The following DSCAM variants were observed in gnomAD, a reference collection of about 807,000 sequenced individuals.
The protein encoded by DSCAM is cell adhesion molecule DSCAM.
Under a neutral mutation model 217.7 loss-of-function variants are expected in DSCAM, and 47 were observed. That is an observed-to-expected ratio of 0.22 (90% CI 0.17 to 0.28). The LOEUF is 0.28. Ranked by LOEUF, DSCAM falls within the 10% of genes least tolerant of loss-of-function variation. The pLI is 1.00. For missense variants in DSCAM, 2,080 were observed against 2,618.3 expected (o/e 0.79, Z 4.49); for synonymous variants, 1,056 against 1,015.3 (o/e 1.04, Z -0.76).
chr21:40,570,200 G>T, intron 3 of DSCAM, among the ~76,000 whole-genome samples: 1 of 152,222 alleles, frequency 6.6e-6, no homozygotes, highest in East Asian at 1.9e-4. Flanking sequence ...TTGGAAAGCT[G>T]GTTACTGGTC....
chr21:40,259,579 G>C (rs2146975537), intron 11 of DSCAM, among the ~76,000 whole-genome samples: 1 of 144,630 alleles, frequency 6.9e-6, no homozygotes, highest in East Asian at 2.1e-4. Flanking sequence ...CATTTCCTTA[G>C]AAAGAAGGCT....
chr21:40,518,092 T>C (rs758670501), intron 3 of DSCAM, among the ~76,000 whole-genome samples: 11 of 151,536 alleles, frequency 7.3e-5, no homozygotes, highest in African/African-American at 2.7e-4. Context: ...GGAGGGCACA[T>C]AGAACCTCCA....
In DSCAM at chr21:40,144,382, C is replaced by G; in HGVS notation, c.3259+109G>C. 6.6e-7 allele frequency: 1 copy of G among 1,512,186 alleles called. No homozygotes were observed. The highest frequency in any genetic ancestry group is 8.9e-7 in the Non-Finnish European group (1 of 1,118,762). 93.7% of individuals were successfully genotyped at this position (1,512,186 alleles called of 1,614,324 possible). A position where few individuals can be genotyped will look rare whatever the true frequency, so the allele number is the denominator to read the frequency against. On this transcript the variant is annotated intron_variant, in intron 17 of 32. Transcript: ENST00000400454. The surrounding 1 kb of genome is among the most constrained non-coding windows in gnomAD (Gnocchi z 4.8). ...ACCCGAGACCCCAGGCCCTGCAGGTCACTGCAAAGTCGTGGGGCGGGGGAG... is the reference window on the plus strand; with the variant it reads ...ACCCGAGACCCCAGGCCCTGCAGGTGACTGCAAAGTCGTGGGGCGGGGGAG...
intron 3 of DSCAM, among the ~76,000 whole-genome samples, chr21:40,544,804 C>T (rs1324084082): frequency 3.3e-5 from 5 of 151,788 alleles, no homozygotes; most frequent in East Asian, 1.9e-4. Context: ...TGAACCTTTC[C>T]AAATGAAAAT....
chr21:40,427,076 C>A (rs545071714), intron 3 of DSCAM, among the ~76,000 whole-genome samples: 124 of 152,324 alleles, frequency 8.1e-4, no homozygotes, highest in African/African-American at 2.7e-3. Flanking sequence ...CACCAAGCAA[C>A]CTTCTGGCCA....
chr21:40,715,940 T>C (rs930740710), intron 1 of DSCAM, among the ~76,000 whole-genome samples: 1 of 152,142 alleles, frequency 6.6e-6, no homozygotes, highest in Non-Finnish European at 1.5e-5. Flanking sequence ...AAAATGTAAA[T>C]GTATACAAGA....
intron 3 of DSCAM, among the ~76,000 whole-genome samples, chr21:40,669,364 C>A (rs1472122316): frequency 2.6e-5 from 4 of 152,046 alleles, no homozygotes; most frequent in Non-Finnish European, 5.9e-5. Context: ...TCCACGTGCC[C>A]AAAGAGTAAT....
intron 10 of DSCAM, 22 bp from the exon 11 acceptor site, chr21:40,276,292 G>C: frequency 1.3e-6 from 2 of 1,570,030 alleles, no homozygotes; most frequent in South Asian, 1.2e-5. Context: ...AAAGAAAGAC[G>C]AGCAATGATG....
chr21:40,329,335 G>A (rs2074350518), intron 8 of DSCAM, among the ~76,000 whole-genome samples: 1 of 152,226 alleles, frequency 6.6e-6, no homozygotes, highest in Non-Finnish European at 1.5e-5. Flanking sequence ...CCAAAAAAAG[G>A]GACAAGTTAA....
chr21:40,609,378 G>A (rs753124497), intron 3 of DSCAM, among the ~76,000 whole-genome samples: 4 of 152,196 alleles, frequency 2.6e-5, no homozygotes, highest in Admixed American at 1.3e-4. Context: ...CAAAATTGTT[G>A]CCATAAAATT....
intron 1 of DSCAM, among the ~76,000 whole-genome samples, chr21:40,731,847 G>A (rs969814625): frequency 2.7e-5 from 4 of 148,790 alleles, no homozygotes; most frequent in African/African-American, 1.0e-4. Context: ...TCCTGCCTCA[G>A]CCTCCTGAGC....
Position 40,173,371 on chromosome 21 carries a change from G to T in DSCAM, c.2947+5556C>A, listed in dbSNP as rs76746245. Reference sequence around the variant, plus strand: ...TTCAGAACATTCCAGAACTGTTCCAGAACCTTTCAGGATAGCAGACAGGGG... The same window carrying T: ...TTCAGAACATTCCAGAACTGTTCCATAACCTTTCAGGATAGCAGACAGGGG... On this transcript the variant is annotated intron_variant, in intron 15 of 32. Transcript: ENST00000400454. Among the ~76,000 whole-genome samples, 978 of 152,242 alleles carry T rather than the reference G, an allele frequency of 6.4e-3. 15 individuals carry two copies. Among genetic ancestry groups the T allele is most frequent in the African/African-American group, 0.023 (945 of 41,526 alleles).
chr21:40,065,376 G>T (rs2089192272), intron 27 of DSCAM, among the ~76,000 whole-genome samples: 1 of 152,078 alleles, frequency 6.6e-6, no homozygotes, highest in Non-Finnish European at 1.5e-5. Flanking sequence ...GCAAAAAGAA[G>T]ATGGCAAAAT....
intron 8 of DSCAM, among the ~76,000 whole-genome samples, chr21:40,326,348 A>G (rs2074316908): frequency 6.6e-6 from 1 of 152,202 alleles, no homozygotes; most frequent in Non-Finnish European, 1.5e-5. Context: ...TGGCACTCTC[A>G]TTCCCCTCTT....
At chr21:40,128,000 C>T (rs1312720464) in intron 19 of DSCAM, among the ~76,000 whole-genome samples, 1 of 151,946 alleles carries the variant, frequency 6.6e-6, no homozygotes. Context: ...TCTTACTCAT[C>T]TCTCAGGTTC....
At position 40,339,699 on chromosome 21, in the gene DSCAM, T is replaced by G. The variant is rs370246878; in HGVS notation, c.1211-284A>C. Among the ~76,000 whole-genome samples the G allele has an allele frequency of 3.9e-5, 6 of 152,314 alleles. 1 individual carries two copies. The East Asian group carries it at 1.2e-3, about 29-fold the overall frequency. ...GATGTTCAGGTTAAACAATGACAGCTCCTAAGAAGTCCTTAATTTAAAACT... is the reference window on the plus strand; with the variant it reads ...GATGTTCAGGTTAAACAATGACAGCGCCTAAGAAGTCCTTAATTTAAAACT... On this transcript the variant is annotated intron_variant, in intron 6 of 32. Coordinates refer to ENST00000400454, the MANE Select transcript of DSCAM (RefSeq NM_001389.5).
chr21:40,624,928 C>A (rs941685216), intron 3 of DSCAM, among the ~76,000 whole-genome samples: 5 of 151,930 alleles, frequency 3.3e-5, no homozygotes, highest in Admixed American at 2.0e-4. Flanking sequence ...AAAGAAAATT[C>A]TTTGATTATA....
intron 1 of DSCAM, 106 bp from the exon 2 acceptor site, chr21:40,708,877 C>T (rs910852247): frequency 4.9e-6 from 4 of 823,102 alleles, no homozygotes; most frequent in African/African-American, 1.7e-5. Context: ...AATCATGAGG[C>T]GCAGGCTCAA....
chr21:40,233,474 C>G (rs951787319), intron 11 of DSCAM, among the ~76,000 whole-genome samples: 1 of 152,098 alleles, frequency 6.6e-6, no homozygotes, highest in South Asian at 2.1e-4. Flanking sequence ...ACTGACCATG[C>G]TTCAATATGT....
Sources: gnomAD v4.1 joint callset for allele counts (sites outside exome capture counted in the v4.1 genomes callset) on GRCh38, gnomAD v4.1.1 for gene constraint, Gnocchi (gnomAD v3.1) non-coding constraint, MANE v1.5 for transcripts, NCBI Gene and HGNC (gene_info 2026-07-23, HGNC 2026-07-21) for gene names.